The following PPFIBP2 variants were observed in gnomAD, a reference collection of about 807,000 sequenced individuals.
PPFIBP2 encodes the protein liprin-beta-2.
PPFIBP2 carries 118 observed loss-of-function variants against 118.3 expected under a neutral mutation model. That is an observed-to-expected ratio of 1.00 (90% CI 0.86 to 1.16). PPFIBP2 has a LOEUF of 1.16. Ranked by LOEUF, PPFIBP2 falls within the 50% of genes most tolerant of loss-of-function variation. The pLI is 0.00. For missense variants in PPFIBP2, 1,195 were observed against 1,073.1 expected, an observed-to-expected ratio of 1.11 and a Z score of -1.59; for synonymous variants, 414 against 397.4, an observed-to-expected ratio of 1.04 and a Z score of -0.50.
chr11:7,663,256 G>GT, the PPFIBP2 span, among the ~76,000 whole-genome samples: 1 of 141,426 alleles, frequency 7.1e-6, no homozygotes, highest in Non-Finnish European at 1.6e-5. Context: ...TTTCTGTTCT[G>GT]TTTTTTCCCC....
At chr11:7,529,070 T>G (rs1850461672) in intron 1 of PPFIBP2, among the ~76,000 whole-genome samples, 1 of 151,962 alleles carries the variant, frequency 6.6e-6, no homozygotes, top group African/African-American at 2.4e-5. Flanking sequence ...TAGTAACCAC[T>G]GAGAAGACAG....
At chr11:7,543,484 C>G (rs1851994134) in intron 1 of PPFIBP2, among the ~76,000 whole-genome samples, 1 of 152,196 alleles carries the variant, frequency 6.6e-6, no homozygotes, top group Non-Finnish European at 1.5e-5. Context: ...GTGGCAGCTG[C>G]TAAGGAGTCA....
downstream of PPFIBP2, among the ~76,000 whole-genome samples, chr11:7,662,013 C>T (rs868140864): frequency 7.2e-6 from 1 of 139,308 alleles, no homozygotes; most frequent in African/African-American, 2.7e-5. Context: ...GATCTTCCTC[C>T]ATCCTTTTAT....
chr11:7,568,255 C>T (rs985907170), intron 3 of PPFIBP2, among the ~76,000 whole-genome samples: 1 of 152,108 alleles, frequency 6.6e-6, no homozygotes, highest in Non-Finnish European at 1.5e-5. Context: ...ACAGACAGTC[C>T]CAGGGTTAAA....
chr11:7,623,332 G>A (rs1590659253), intron 7 of PPFIBP2, among the ~76,000 whole-genome samples: 2 of 152,172 alleles, frequency 1.3e-5, no homozygotes, highest in African/African-American at 4.8e-5. Flanking sequence ...CCAACTGCCT[G>A]TCTGCATAGC....
At chr11:7,641,346 G>A in intron 15 of PPFIBP2, 133 bp from the exon 16 acceptor site, 3 of 994,938 alleles carry the variant, frequency 3.0e-6, no homozygotes, top group Non-Finnish European at 4.5e-6. Flanking sequence ...ATCTTGGTAT[G>A]GAGTTCTGCC....
chr11:7,613,742 C>A (rs928075244), intron 6 of PPFIBP2, among the ~76,000 whole-genome samples: 7 of 152,120 alleles, frequency 4.6e-5, no homozygotes, highest in Non-Finnish European at 1.0e-4. Flanking sequence ...TCTGGCTTCT[C>A]CATGCTGTGG....
At chr11:7,581,983 T>C (rs1857330214) in intron 3 of PPFIBP2, among the ~76,000 whole-genome samples, 1 of 152,024 alleles carries the variant, frequency 6.6e-6, no homozygotes. Flanking sequence ...ATTACAGGCA[T>C]ACACCGCCAT....
chr11:7,632,801 G>T, intron 11 of PPFIBP2, 66 bp from the exon 12 acceptor site: 1 of 1,286,174 alleles, frequency 7.8e-7, no homozygotes, highest in Non-Finnish European at 1.1e-6. Context: ...GTGAAGCAGG[G>T]GGAAAGATGG....
rs1185701157 is a variant in PPFIBP2, at chr11:7,634,567, C to T, written c.1194+15C>T. On this transcript the variant is annotated intron_variant, in intron 13 of 23. Transcript: ENST00000299492. ...CTGTGGATAAGGTCGGCTCATCAACCTATCCTTAAAGATGACTGAGTTACT... is the reference window on the plus strand; with the variant it reads ...CTGTGGATAAGGTCGGCTCATCAACTTATCCTTAAAGATGACTGAGTTACT... 1 of 1,605,532 alleles carries T rather than the reference C, an allele frequency of 6.2e-7. No homozygotes were observed. Among genetic ancestry groups the T allele is most frequent in the Middle Eastern group, 1.7e-4 (1 of 6,048 alleles).
intron 14 of PPFIBP2, 107 bp from the exon 15 acceptor site, chr11:7,639,623 ATG>A: frequency 7.3e-7 from 1 of 1,371,966 alleles, no homozygotes; most frequent in Non-Finnish European, 1.0e-6. Flanking sequence ...AAGTCACCAT[ATG>A]TGAAAAATGG....
chr11:7,618,517 T>C (rs1436151786), intron 6 of PPFIBP2, among the ~76,000 whole-genome samples: 3 of 152,126 alleles, frequency 2.0e-5, no homozygotes, highest in Non-Finnish European at 4.4e-5. Context: ...GTAACCTGGC[T>C]AGGATACAAG....
chr11:7,604,479 C>CA (rs71059113), intron 5 of PPFIBP2, among the ~76,000 whole-genome samples: 22,744 of 149,964 alleles, frequency 0.15, 2,438 homozygotes, highest in African/African-American at 0.31. Context: ...CGCACACACA[C>CA]CCCCCCATAC....
chr11:7,647,478 C>G lies in PPFIBP2; in HGVS notation c.1647-909C>G, dbSNP rs151070048. Among the ~76,000 whole-genome samples the G allele has an allele frequency of 6.4e-3, 977 of 152,240 alleles. 19 individuals are homozygous for G. The highest frequency in any genetic ancestry group is 0.022 in the African/African-American group (925 of 41,544). ...CTGCTGCAGTCAATACCTCTCCCCA[C>G]CCCCGCAATCCCCACACATAATCAC... On this transcript the variant is annotated intron_variant, in intron 17 of 23. Coordinates refer to ENST00000299492, the MANE Select transcript of PPFIBP2 (RefSeq NM_003621.5).
chr11:7,595,942 A>G (rs1279685753), intron 4 of PPFIBP2, among the ~76,000 whole-genome samples: 2 of 148,044 alleles, frequency 1.4e-5, no homozygotes, highest in Admixed American at 6.8e-5. Flanking sequence ...AATTATGCCT[A>G]GCATCTATTA....
chr11:7,597,475 T>C, intron 4 of PPFIBP2, 85 bp from the exon 5 acceptor site: 3 of 1,532,192 alleles, frequency 2.0e-6, no homozygotes, highest in South Asian at 2.4e-5. Flanking sequence ...AGTGGTGAGA[T>C]TTAACGGCTC....
At chr11:7,551,455 T>G (rs1852988865) in intron 2 of PPFIBP2, among the ~76,000 whole-genome samples, 1 of 152,114 alleles carries the variant, frequency 6.6e-6, no homozygotes. Flanking sequence ...GAACTCTGTA[T>G]TCTGTTTCAT....
chr11:7,536,835 G>A (rs143097797), intron 1 of PPFIBP2, among the ~76,000 whole-genome samples: 43 of 152,182 alleles, frequency 2.8e-4, no homozygotes, highest in Admixed American at 2.4e-3. Context: ...GGAGAGAGGT[G>A]AGGACTCTAC....
chr11:7,651,054 C>T (rs74051935), intron 22 of PPFIBP2, 89 bp downstream of exon 22: 146,546 of 1,381,896 alleles, frequency 0.11, 8,233 homozygotes, highest in Middle Eastern at 0.17. Context: ...CAAAAGCTAA[C>T]GAAAAAAAAT....
Sources: gnomAD v4.1 joint callset for allele counts (sites outside exome capture counted in the v4.1 genomes callset) on GRCh38, gnomAD v4.1.1 for gene constraint, MANE v1.5 for transcripts, NCBI Gene and HGNC (gene_info 2026-07-23, HGNC 2026-07-21) for gene names.